Variants in PBX1 observed in about 807,000 individuals in gnomAD.
PBX1 encodes pre-B-cell leukemia transcription factor 1.
A neutral mutation model predicts 53.4 loss-of-function variants in PBX1; 6 were observed. That is an observed-to-expected ratio of 0.11 (90% CI 0.06 to 0.22). The LOEUF (loss-of-function observed/expected upper bound fraction) is 0.22, where lower values mean the gene tolerates loss of function less well. Among genes scored for constraint, PBX1 ranks in the 10% least tolerant of loss-of-function variants. The pLI is 1.00. For missense variants in PBX1, 251 were observed against 551.4 expected, an observed-to-expected ratio of 0.46 and a Z score of 5.46; for synonymous variants, 204 against 212.3, an observed-to-expected ratio of 0.96 and a Z score of 0.34.
chr1:164,818,137 G>A (rs1669966753), intron 6 of PBX1: 1 of 152,070 alleles, frequency 6.6e-6, no homozygotes, highest in Non-Finnish European at 1.5e-5. Flanking sequence ...TATTATTTAG[G>A]TTATATCTGT....
At chr1:164,638,943 C>G (rs928900148) in intron 2 of PBX1, among the ~76,000 whole-genome samples, 1 of 152,190 alleles carries the variant, frequency 6.6e-6, no homozygotes, top group African/African-American at 2.4e-5. Context: ...CCCCCTACCC[C>G]TCCTGGGATG....
At chr1:164,714,859 A>C (rs1663996936) in intron 2 of PBX1, among the ~76,000 whole-genome samples, 1 of 152,182 alleles carries the variant, frequency 6.6e-6, no homozygotes, top group Non-Finnish European at 1.5e-5. Context: ...CCAGGACTGG[A>C]GCTAGGATAT....
chr1:164,881,592 G>GGAAAGGAAAGGAAAGGAAAGGAAAGGA (rs141280098), intron 2 of PBX1, among the ~76,000 whole-genome samples: 2 of 94,062 alleles, frequency 2.1e-5, no homozygotes, highest in African/African-American at 1.1e-4. Context: ...AGGAAGGGAG[G>GGAAAGGAAAGGAAAGGAAAGGAAAGGA]AAGGAAAGGA....
chr1:164,707,519 G>C (rs1275257958), intron 2 of PBX1, among the ~76,000 whole-genome samples: 3 of 151,752 alleles, frequency 2.0e-5, no homozygotes, highest in Non-Finnish European at 4.4e-5. Flanking sequence ...CACTGTAACT[G>C]TTTATGAATT....
At chr1:164,843,500 A>G (rs550769448) in intron 8 of PBX1, among the ~76,000 whole-genome samples, 2 of 152,018 alleles carry the variant, frequency 1.3e-5, no homozygotes, top group African/African-American at 2.4e-5. Flanking sequence ...ATGGTCACCA[A>G]ATCTGAGGGG....
At chr1:164,713,464 T>C (rs537897642) in intron 2 of PBX1, among the ~76,000 whole-genome samples, 17 of 152,326 alleles carry the variant, frequency 1.1e-4, no homozygotes, top group African/African-American at 3.6e-4. Context: ...TGGAGTCTTG[T>C]ATTTTCTCCA....
At chr1:164,857,478 A>G (rs569611415) in intron 2 of PBX1, among the ~76,000 whole-genome samples, 84 of 152,302 alleles carry the variant, frequency 5.5e-4, no homozygotes, top group African/African-American at 1.9e-3. Flanking sequence ...TTAAATACAT[A>G]TGATTGACTA....
intron 2 of PBX1, among the ~76,000 whole-genome samples, chr1:164,665,159 A>T (rs572579151): frequency 4.1e-4 from 62 of 152,362 alleles, no homozygotes; most frequent in Non-Finnish European, 7.5e-4. Flanking sequence ...ACATAGCTGT[A>T]TCGGTCAGAA....
intron 7 of PBX1, among the ~76,000 whole-genome samples, chr1:164,821,331 G>A (rs897995325): frequency 5.2e-5 from 2 of 38,236 alleles, no homozygotes; most frequent in African/African-American, 1.3e-4. Context: ...ACCATTTTAC[G>A]TCTTGCTTAC....
At chr1:164,806,466 C>T (rs923685794) in intron 4 of PBX1, among the ~76,000 whole-genome samples, 2 of 152,074 alleles carry the variant, frequency 1.3e-5, no homozygotes, top group African/African-American at 4.8e-5. Context: ...GTGCCCTCTT[C>T]CCCAGATGCC....
At chr1:164,563,401 A>G in intron 2 of PBX1, 90 bp downstream of exon 2, 1 of 789,278 alleles carries the variant, frequency 1.3e-6, no homozygotes. Flanking sequence ...AAATATTAAA[A>G]TTTCAGAATA....
intron 2 of PBX1, among the ~76,000 whole-genome samples, chr1:164,619,686 C>G (rs2101848565): frequency 6.6e-6 from 1 of 152,052 alleles, no homozygotes; most frequent in East Asian, 1.9e-4. Context: ...TAGATACACA[C>G]ATTTTTTTTT....
chr1:164,679,656 A>G (rs928949949), intron 2 of PBX1, among the ~76,000 whole-genome samples: 8 of 152,174 alleles, frequency 5.3e-5, no homozygotes, highest in African/African-American at 7.2e-5. Flanking sequence ...GAAAAAGAAG[A>G]CAGGTTGTAT....
chr1:164,560,313 T>A (rs1044673989), intron 1 of PBX1: 8 of 398,432 alleles, frequency 2.0e-5, no homozygotes, highest in Non-Finnish European at 3.1e-5. Flanking sequence ...TGCCAACTGA[T>A]CCAAAAGCGG....
intron 2 of PBX1, among the ~76,000 whole-genome samples, chr1:164,602,824 A>G (rs545782706): frequency 7.9e-5 from 12 of 152,262 alleles, no homozygotes; most frequent in African/African-American, 2.6e-4. Context: ...TCTGCCCTCA[A>G]AGGTACTTGT....
chr1:164,673,580 C>T (rs1313474981), intron 2 of PBX1, among the ~76,000 whole-genome samples: 3 of 149,816 alleles, frequency 2.0e-5, no homozygotes, highest in Admixed American at 6.7e-5. Flanking sequence ...AAGCGATTCT[C>T]CTGCCTCAGC....
intron 2 of PBX1, among the ~76,000 whole-genome samples, chr1:164,732,767 C>T (rs1237120432): frequency 3.3e-5 from 5 of 152,078 alleles, no homozygotes; most frequent in Non-Finnish European, 5.9e-5. Context: ...TCTCTGTAGC[C>T]GACAGACATT....
At chr1:164,870,344 TC>T (rs1260804743) in intron 2 of PBX1, among the ~76,000 whole-genome samples, 1 of 113,472 alleles carries the variant, frequency 8.8e-6, no homozygotes, top group African/African-American at 3.6e-5. Flanking sequence ...TTTCTTTCTT[TC>T]TTTCTTTCTT....
At chr1:164,760,411 C>T (rs1666749113) in intron 2 of PBX1, among the ~76,000 whole-genome samples, 1 of 143,962 alleles carries the variant, frequency 6.9e-6, no homozygotes, top group South Asian at 2.4e-4. Context: ...TTTCCTCCTT[C>T]CATCCCTCCT....
Sources: gnomAD v4.1 joint callset for allele counts (sites outside exome capture counted in the v4.1 genomes callset) on GRCh38, gnomAD v4.1.1 for gene constraint, MANE v1.5 for transcripts, NCBI Gene and HGNC (gene_info 2026-07-23, HGNC 2026-07-21) for gene names.